The following JAKMIP3 variants were observed in gnomAD, a reference collection of about 807,000 sequenced individuals.
JAKMIP3 encodes the protein Janus kinase and microtubule interacting protein 3.
A neutral mutation model predicts 118.5 loss-of-function variants in JAKMIP3; 58 were observed. The observed-to-expected ratio is 0.49, with a 90% CI of 0.40 to 0.61. JAKMIP3 has a LOEUF of 0.61. JAKMIP3 is among the 20% of genes least tolerant of loss of function. The pLI is 0.00. For missense variants in JAKMIP3, 950 were observed against 1,109.0 expected, an observed-to-expected ratio of 0.86 and a Z score of 2.04; for synonymous variants, 486 against 451.2, an observed-to-expected ratio of 1.08 and a Z score of -0.98.
intron 13 of JAKMIP3, among the ~76,000 whole-genome samples, chr10:132,146,274 G>A (rs1433426318): frequency 1.3e-5 from 2 of 152,070 alleles, no homozygotes; most frequent in Non-Finnish European, 2.9e-5. Flanking sequence ...GGAAGGGAGT[G>A]CAGGTTTCTC....
intron 1 of JAKMIP3, among the ~76,000 whole-genome samples, chr10:132,066,267 C>T (rs973965113): frequency 1.3e-5 from 2 of 152,224 alleles, no homozygotes; most frequent in African/African-American, 2.4e-5. Flanking sequence ...CACGTTCATG[C>T]TCATGCACAC....
intron 1 of JAKMIP3, among the ~76,000 whole-genome samples, chr10:132,103,751 A>G (rs1417845854): frequency 1.3e-5 from 2 of 152,070 alleles, no homozygotes; most frequent in Non-Finnish European, 2.9e-5. Context: ...TGGGCCATAC[A>G]GCAGGAGGCA....
chr10:132,147,191 C>T (rs915218869), intron 13 of JAKMIP3, among the ~76,000 whole-genome samples: 2 of 152,206 alleles, frequency 1.3e-5, no homozygotes, highest in Non-Finnish European at 1.5e-5. Flanking sequence ...GTCCAGCTCC[C>T]ACTGAGCCGG....
chr10:132,149,349 A>G, intron 14 of JAKMIP3, 63 bp from the exon 15 acceptor site: 4 of 1,123,616 alleles, frequency 3.6e-6, no homozygotes, highest in Non-Finnish European at 5.2e-6. Context: ...AGGCCCCAGC[A>G]CAGTCCTCTT....
At chr10:132,041,062 C>A (rs1168144844) in intron 1 of JAKMIP3, among the ~76,000 whole-genome samples, 1 of 151,386 alleles carries the variant, frequency 6.6e-6, no homozygotes, top group East Asian at 1.9e-4. Flanking sequence ...ACCACATTTT[C>A]TTTCTTTTTG....
At chr10:132,139,895 C>A (rs1336936720) in intron 9 of JAKMIP3, among the ~76,000 whole-genome samples, 1 of 152,178 alleles carries the variant, frequency 6.6e-6, no homozygotes, top group African/African-American at 2.4e-5. Context: ...TGTAACACTT[C>A]TGAAGGGGAC....
At chr10:132,037,207 G>A (rs115880405) in intron 1 of JAKMIP3, among the ~76,000 whole-genome samples, 1,561 of 152,330 alleles carry the variant, frequency 0.01, 26 homozygotes, top group African/African-American at 0.036. Context: ...TTTGGTGGAG[G>A]TCGGGAGGAG....
intron 17 of JAKMIP3, 55 bp from the exon 18 acceptor site, chr10:132,153,704 A>C: frequency 6.4e-7 from 1 of 1,564,012 alleles, no homozygotes; most frequent in Non-Finnish European, 8.8e-7. Flanking sequence ...TGTCTCCACG[A>C]GCCGGGGTGG....
intron 23 of JAKMIP3, among the ~76,000 whole-genome samples, chr10:132,181,042 G>T (rs994111262): frequency 1.3e-5 from 2 of 152,036 alleles, no homozygotes; most frequent in Admixed American, 1.3e-4. Context: ...CACATGTGCA[G>T]GTATGTGTAT....
intron 1 of JAKMIP3, among the ~76,000 whole-genome samples, chr10:132,085,503 C>CT (rs529358675): frequency 0.4 from 57,477 of 144,288 alleles, 11,654 homozygotes; most frequent in East Asian, 0.7. Context: ...TTTTCTCTCT[C>CT]TTTTTTTTTT....
At position 132,135,003 on chromosome 10, in the gene JAKMIP3, G is replaced by A. The variant is rs534879974; in HGVS notation, c.850-38G>A. 19 of 1,605,728 alleles carry A rather than the reference G, an allele frequency of 1.2e-5. No homozygotes were observed. In the East Asian group the frequency reaches 3.1e-4, roughly 27 times the overall value. Reference sequence around the variant, plus strand: ...ATTTGCAAAGGCTTCCCAGGCTTGTGGGTAGGAACCGTTATTTGCAGTTGA... The same window carrying A: ...ATTTGCAAAGGCTTCCCAGGCTTGTAGGTAGGAACCGTTATTTGCAGTTGA... On this transcript the variant is annotated intron_variant, in intron 4 of 23. Coordinates refer to ENST00000684848, the MANE Select transcript of JAKMIP3 (RefSeq NM_001323087.2).
Position 132,112,663 on chromosome 10 carries a change from T to G in JAKMIP3, c.136-4414T>G, listed in dbSNP as rs2047052587. ...CTGTCTGCTTATTACTGTGGGTACCTGAATGTTCTGAGCCTATAGGAGTGG... is the reference window on the plus strand; with the variant it reads ...CTGTCTGCTTATTACTGTGGGTACCGGAATGTTCTGAGCCTATAGGAGTGG... On this transcript the variant is annotated intron_variant, in intron 2 of 23. Coordinates refer to ENST00000684848, the MANE Select transcript of JAKMIP3 (RefSeq NM_001323087.2). The surrounding 1 kb of genome is among the most constrained non-coding windows in gnomAD (Gnocchi z 4.3). Among the ~76,000 whole-genome samples, 1 of 152,190 alleles carries G rather than the reference T, an allele frequency of 6.6e-6. No homozygotes were observed. Among genetic ancestry groups the G allele is most frequent in the African/African-American group, 2.4e-5 (1 of 41,422 alleles).
Position 132,140,508 on chromosome 10 carries a change from G to A in JAKMIP3, c.1402G>A (p.Gly468Ser), listed in dbSNP as rs745571804. The change falls in exon 10 of 24, where the codon GGC becomes AGC. Residue 468 changes from glycine to serine, a missense_variant. Physicochemically the swap from Gly to Ser is moderately conservative, Grantham distance 56. Coordinates refer to ENST00000684848, the MANE Select transcript of JAKMIP3 (RefSeq NM_001323087.2). ...CGAAGAGGCTTCCCTGGAATCCGACGGCTCCTCCGTCTCTTACCAAACAGA... is the reference window on the plus strand; with the variant it reads ...CGAAGAGGCTTCCCTGGAATCCGACAGCTCCTCCGTCTCTTACCAAACAGA... ...YDEEASLESD[G>S]SSVSYQTDRT... 2.5e-6 allele frequency: 4 copies of A among 1,613,812 alleles called. No individual in the cohort carries two copies. The highest frequency in any genetic ancestry group is 3.4e-6 in the Non-Finnish European group (4 of 1,179,842).
chr10:132,042,205 T>TCCTTCCTTCCTTCTTTCCTC (rs1554909354), intron 1 of JAKMIP3, among the ~76,000 whole-genome samples: 5 of 149,568 alleles, frequency 3.3e-5, no homozygotes, highest in Non-Finnish European at 5.9e-5. Flanking sequence ...CTTCCTTCCT[T>TCCTTCCTTCCTTCTTTCCTC]CCTTCCTTCC....
At position 132,139,212 on chromosome 10, in the gene JAKMIP3, ATG is replaced by A. The variant is rs1377991448; in HGVS notation, c.1344+1040_1344+1041del. Among the ~76,000 whole-genome samples, 3 of 78,900 alleles carry A rather than the reference ATG, an allele frequency of 3.8e-5. 1 individual carries two copies. Among genetic ancestry groups the A allele is most frequent in the Non-Finnish European group, 7.7e-5 (3 of 38,838 alleles). The allele number at this position is 78,900 out of a possible 152,430, so 51.8% of individuals were successfully genotyped here. A position where few individuals can be genotyped will look rare whatever the true frequency, so the allele number is the denominator to read the frequency against. ...TGTGTGTGTATGAGTGTGTGTGTGT[ATG>A]TGTGTACATGTGAGTGTATATGCAT... On this transcript the variant is annotated intron_variant, in intron 9 of 23. Transcript: ENST00000684848.
intron 9 of JAKMIP3, among the ~76,000 whole-genome samples, chr10:132,139,332 T>C (rs112482683): frequency 7.3e-6 from 1 of 137,704 alleles, no homozygotes; most frequent in Non-Finnish European, 1.6e-5. Context: ...GTGTGTGTGT[T>C]TGTATGTGTG....
Position 132,180,580 on chromosome 10 carries a change from C to CGT in JAKMIP3, c.*1104-1775_*1104-1774dup, listed in dbSNP as rs1241643311. ...ATGCGTGTGTGTGCGTGTGTGTGTG[C>CGT]GTGCGCGTGTGTGTGTGCGTGCGCG... is the stretch of plus-strand genomic sequence containing the variant. On this transcript the variant is annotated intron_variant, in intron 23 of 23. Transcript: ENST00000684848. 2.9e-3 allele frequency among the ~76,000 whole-genome samples: 37 copies of CGT among 12,974 alleles called. 4 individuals carry two copies. The highest frequency in any genetic ancestry group is 0.018 in the African/African-American group (33 of 1,852). 8.5% of individuals were successfully genotyped at this position (12,974 alleles called of 152,430 possible).
intron 13 of JAKMIP3, 84 bp from the exon 14 acceptor site, chr10:132,147,868 G>C (rs988115058): frequency 1.0e-6 from 1 of 984,742 alleles, no homozygotes; most frequent in Admixed American, 2.5e-5. Context: ...GCCAGCAGCT[G>C]TCCCGTCAGC....
At chr10:132,040,950 CT>C (rs2037724638) in intron 1 of JAKMIP3, among the ~76,000 whole-genome samples, 1 of 152,186 alleles carries the variant, frequency 6.6e-6, no homozygotes, top group African/African-American at 2.4e-5. Flanking sequence ...TTTTCTGTGC[CT>C]GGCTTATTTC....
Sources: gnomAD v4.1 joint callset for allele counts (sites outside exome capture counted in the v4.1 genomes callset) on GRCh38, gnomAD v4.1.1 for gene constraint, Gnocchi (gnomAD v3.1) non-coding constraint, MANE v1.5 for transcripts, NCBI Gene and HGNC (gene_info 2026-07-23, HGNC 2026-07-21) for gene names.